Variants in ASIC2 observed in about 807,000 individuals in gnomAD.
ASIC2 encodes the protein acid sensing ion channel subunit 2, also known as acid-sensing ion channel 2.
ASIC2 carries 25 observed loss-of-function variants against 57.3 expected under a neutral mutation model. The ratio of observed to expected loss-of-function variants is 0.44; its 90% CI spans 0.32 to 0.61. The LOEUF (loss-of-function observed/expected upper bound fraction) is 0.61, where lower values mean the gene tolerates loss of function less well. Ranked by LOEUF, ASIC2 falls within the 20% of genes least tolerant of loss-of-function variation. The probability of loss-of-function intolerance (pLI) is 0.06; values close to 1 mark genes in which losing one functional copy is unlikely to be tolerated. For missense variants in ASIC2, 641 were observed against 738.1 expected (o/e 0.87, Z 1.52); for synonymous variants, 319 against 307.5 (o/e 1.04, Z -0.39).
intron 1 of ASIC2, among the ~76,000 whole-genome samples, chr17:33,147,150 A>G (rs1316539111): frequency 6.6e-6 from 1 of 152,218 alleles, no homozygotes; most frequent in Non-Finnish European, 1.5e-5. Context: ...AGATGGCAGG[A>G]GTGCTATTAT....
chr17:33,279,081 T>C (rs1904832893), intron 1 of ASIC2, among the ~76,000 whole-genome samples: 2 of 152,230 alleles, frequency 1.3e-5, no homozygotes, highest in South Asian at 2.1e-4. Context: ...ATAGAAGAGA[T>C]GAGATTTTTA....
intron 1 of ASIC2, among the ~76,000 whole-genome samples, chr17:33,517,022 G>A (rs939417797): frequency 2.6e-5 from 4 of 152,164 alleles, no homozygotes; most frequent in Admixed American, 2.0e-4. Flanking sequence ...GGTAGTTAAC[G>A]AAGCCTCTCT....
intron 1 of ASIC2, among the ~76,000 whole-genome samples, chr17:34,028,458 CA>C (rs1907459543): frequency 6.6e-6 from 1 of 152,188 alleles, no homozygotes. Context: ...GCTCCACACT[CA>C]AATGAGTGTG....
intron 1 of ASIC2, among the ~76,000 whole-genome samples, chr17:34,088,976 C>T (rs540182312): frequency 7.2e-5 from 11 of 152,178 alleles, no homozygotes; most frequent in Non-Finnish European, 1.0e-4. Flanking sequence ...ACCTCCTGAC[C>T]CCTTGCGCTT....
chr17:33,382,488 A>G (rs1909524462), intron 1 of ASIC2, among the ~76,000 whole-genome samples: 1 of 152,158 alleles, frequency 6.6e-6, no homozygotes, highest in Non-Finnish European at 1.5e-5. Flanking sequence ...CTCTTATGCT[A>G]CAAACACAAG....
intron 1 of ASIC2, among the ~76,000 whole-genome samples, chr17:34,128,724 C>A (rs1911861852): frequency 2.0e-5 from 3 of 152,158 alleles, no homozygotes; most frequent in African/African-American, 7.2e-5. Flanking sequence ...TTACTACATG[C>A]AAAAAAGTCA....
intron 1 of ASIC2, among the ~76,000 whole-genome samples, chr17:33,330,478 G>A (rs2142225117): frequency 6.6e-6 from 1 of 152,262 alleles, no homozygotes; most frequent in East Asian, 1.9e-4. Flanking sequence ...TCACCACGAT[G>A]AGTCCTCATG....
intron 1 of ASIC2, among the ~76,000 whole-genome samples, chr17:33,551,372 A>T (rs1240739987): frequency 2.6e-5 from 4 of 152,168 alleles, no homozygotes; most frequent in African/African-American, 9.7e-5. Context: ...ATTCTAGTCC[A>T]GGGGAGGAAT....
At chr17:33,734,052 T>C (rs573563717) in intron 1 of ASIC2, among the ~76,000 whole-genome samples, 1 of 152,296 alleles carries the variant, frequency 6.6e-6, no homozygotes, top group African/African-American at 2.4e-5. Context: ...CTGAATCTGA[T>C]TTCACTGAGA....
chr17:33,715,420 G>C (rs188525809), intron 1 of ASIC2, among the ~76,000 whole-genome samples: 2 of 152,310 alleles, frequency 1.3e-5, no homozygotes, highest in Admixed American at 6.5e-5. Flanking sequence ...GTGTGCCCAT[G>C]GGCAGGATTA....
chr17:33,638,849 A>G (rs1002380344), intron 1 of ASIC2, among the ~76,000 whole-genome samples: 1 of 152,004 alleles, frequency 6.6e-6, no homozygotes, highest in African/African-American at 2.4e-5. Flanking sequence ...TCAACCAAGG[A>G]TGGATGGTGA....
At chr17:33,360,193 A>C (rs1567835141) in intron 1 of ASIC2, among the ~76,000 whole-genome samples, 1 of 152,220 alleles carries the variant, frequency 6.6e-6, no homozygotes, top group Non-Finnish European at 1.5e-5. Context: ...TTGTGATTTC[A>C]TGGATAAGGC....
At chr17:33,604,000 A>T (rs1342387183) in intron 1 of ASIC2, among the ~76,000 whole-genome samples, 1 of 152,304 alleles carries the variant, frequency 6.6e-6, no homozygotes, top group South Asian at 2.1e-4. Context: ...CACTCTGCCC[A>T]CATCCCATTG....
chr17:33,699,399 T>A (rs1278252333), intron 1 of ASIC2, among the ~76,000 whole-genome samples: 1 of 152,176 alleles, frequency 6.6e-6, no homozygotes, highest in African/African-American at 2.4e-5. Context: ...GATGCCAGTC[T>A]GAGGCACCAA....
chr17:34,034,306 C>T (rs1411131604), intron 1 of ASIC2, among the ~76,000 whole-genome samples: 2 of 152,164 alleles, frequency 1.3e-5, no homozygotes, highest in East Asian at 1.9e-4. Flanking sequence ...TGACAAAATT[C>T]AACAACCCTT....
chr17:33,984,098 GC>G (rs1314314699), intron 1 of ASIC2: 1 of 152,310 alleles, frequency 6.6e-6, no homozygotes, highest in Non-Finnish European at 1.5e-5. Context: ...CAAATGCACA[GC>G]CTTCCTTCCC....
chr17:33,998,919 T>C (rs1038714916), intron 1 of ASIC2, among the ~76,000 whole-genome samples: 14 of 152,176 alleles, frequency 9.2e-5, no homozygotes, highest in South Asian at 8.3e-4. Context: ...TGTTTCCACA[T>C]TGATTTTCTG....
At chr17:33,177,649 G>A (rs1030928152) in intron 1 of ASIC2, among the ~76,000 whole-genome samples, 1 of 152,176 alleles carries the variant, frequency 6.6e-6, no homozygotes, top group African/African-American at 2.4e-5. Flanking sequence ...TGAGCACAAG[G>A]AGACTGTCTG....
intron 1 of ASIC2, among the ~76,000 whole-genome samples, chr17:33,654,202 C>T (rs72811194): frequency 0.028 from 4,196 of 152,322 alleles, 76 homozygotes; most frequent in Middle Eastern, 0.065. Context: ...AATCTCTCTT[C>T]CTTCCCCCAA....
Sources: allele counts gnomAD v4.1 joint callset (sites outside exome capture counted in the v4.1 genomes callset), GRCh38; gene constraint gnomAD v4.1.1; transcripts MANE v1.5; gene names NCBI Gene and HGNC (gene_info 2026-07-23, HGNC 2026-07-21).